CD58: variants seen among roughly 807,000 people sequenced by gnomAD.
CD58 encodes CD58 molecule, also known as lymphocyte function-associated antigen 3.
Under a neutral mutation model 27.6 loss-of-function variants are expected in CD58, and 14 were observed. That is an observed-to-expected ratio of 0.51 (90% CI 0.34 to 0.79). The LOEUF (loss-of-function observed/expected upper bound fraction) is 0.79, where lower values mean the gene tolerates loss of function less well. CD58 is among the 30% of genes least tolerant of loss of function. The pLI is 0.02. For missense variants in CD58, 268 were observed against 301.7 expected, an observed-to-expected ratio of 0.89 and a Z score of 0.83; for synonymous variants, 117 against 103.8, an observed-to-expected ratio of 1.13 and a Z score of -0.77.
chr1:116,518,456 G>T (rs937836159), intron 5 of CD58, among the ~76,000 whole-genome samples: 1 of 152,000 alleles, frequency 6.6e-6, no homozygotes, highest in Non-Finnish European at 1.5e-5. Flanking sequence ...AAACTCTGCG[G>T]TTCTCCCTAA....
rs1231510036 is a variant in CD58, at chr1:116,534,535, A to G, written c.628+1430T>C. Among the ~76,000 whole-genome samples, 2 of 152,116 alleles carry G rather than the reference A, an allele frequency of 1.3e-5. No individual in the cohort carries two copies. The highest frequency in any genetic ancestry group is 2.9e-5 in the Non-Finnish European group (2 of 67,994). On this transcript the variant is annotated intron_variant, in intron 3 of 5. Transcript: ENST00000369489. The surrounding 1 kb of genome is among the most constrained non-coding windows in gnomAD (Gnocchi z 5.3). Reference sequence around the variant, plus strand: ...TCCTCCGCTGGGCCGCCGGCGAGGAAGCCGCCCGCAGCGCAGAACAAAGCG... The same window carrying G: ...TCCTCCGCTGGGCCGCCGGCGAGGAGGCCGCCCGCAGCGCAGAACAAAGCG...
At chr1:116,567,777 C>A (rs1467340102) in intron 1 of CD58, among the ~76,000 whole-genome samples, 1 of 152,182 alleles carries the variant, frequency 6.6e-6, no homozygotes, top group East Asian at 1.9e-4. Context: ...TCATTTATTA[C>A]TTACAAAGGT....
rs1657708527 is a variant in CD58 at position 116,534,032 on chromosome 1, C to A, written c.628+1933G>T. The A allele has an allele frequency of 1.7e-6, 2 of 1,171,632 alleles. No individual in the cohort carries two copies. The highest frequency in any genetic ancestry group is 2.6e-6 in the Non-Finnish European group (2 of 782,138). The allele number at this position is 1,171,632 out of a possible 1,614,324, so 72.6% of individuals were successfully genotyped here. ...TCCGTGAGCTTTTCCGTCTTACTTGCATTTTTAGCAGCTTCCACGAAATCT... is the reference window on the plus strand; with the variant it reads ...TCCGTGAGCTTTTCCGTCTTACTTGAATTTTTAGCAGCTTCCACGAAATCT... On this transcript the variant is annotated intron_variant, in intron 3 of 5. Transcript: ENST00000369489. This position sits in a 1 kb window ranked among gnomAD's most constrained non-coding sequence, Gnocchi z 5.3.
At chr1:116,556,041 A>C (rs2101212704) in intron 1 of CD58, among the ~76,000 whole-genome samples, 1 of 152,274 alleles carries the variant, frequency 6.6e-6, no homozygotes, top group Non-Finnish European at 1.5e-5. Flanking sequence ...GGATCACTTG[A>C]GGTCAGGAGT....
chr1:116,533,706 T>C, intron 3 of CD58: 1 of 686,746 alleles, frequency 1.5e-6, no homozygotes, highest in Non-Finnish European at 2.7e-6. Context: ...TCTCCTCCTC[T>C]TCATTTTCAC....
rs3176850 is a variant in CD58 at position 116,570,649 on chromosome 1, A to T, written c.70+254T>A. Among the ~76,000 whole-genome samples the T allele has an allele frequency of 6.6e-6, 1 of 151,792 alleles. No individual in the cohort carries two copies. Among genetic ancestry groups the T allele is most frequent in the Non-Finnish European group, 1.5e-5 (1 of 67,902 alleles). The stretch of plus-strand genomic sequence containing the variant: ...CGGGGGGGCGCAGGCCCCGCAGGAG[A>T]GGCTAGCGGGCCGGAGCCCGTCCTT... On this transcript the variant is annotated intron_variant, in intron 1 of 5. Coordinates refer to ENST00000369489, the MANE Select transcript of CD58 (RefSeq NM_001779.3). This position sits in a 1 kb window ranked among gnomAD's most constrained non-coding sequence, Gnocchi z 6.4.
intron 5 of CD58, chr1:116,518,804 A>G (rs1420073787): frequency 2.9e-6 from 3 of 1,018,490 alleles, no homozygotes; most frequent in Non-Finnish European, 3.5e-6. Flanking sequence ...AGTGAACCCT[A>G]TCCCTGATCC....
rs575424580 is a variant in CD58, at chr1:116,558,230, T to G, written c.70+12673A>C. 2.0e-5 allele frequency among the ~76,000 whole-genome samples: 3 copies of G among 152,214 alleles called. No individual in the cohort carries two copies. The East Asian group carries it at 5.8e-4, about 29-fold the overall frequency. On this transcript the variant is annotated intron_variant, in intron 1 of 5. Coordinates refer to ENST00000369489, the MANE Select transcript of CD58 (RefSeq NM_001779.3). ...TACCTGAATATATGAATATTGGTAT[T>G]TCCCTCTGAATATAAGACATCATAA...
chr1:116,552,741 C>T lies in CD58; in HGVS notation c.71-8137G>A, dbSNP rs929029069. ...TAATCTGCCATCCACCACTGATGAACACTCCTTTTGTGGCTAGCTTTGTCT... is the reference window on the plus strand; with the variant it reads ...TAATCTGCCATCCACCACTGATGAATACTCCTTTTGTGGCTAGCTTTGTCT... On this transcript the variant is annotated intron_variant, in intron 1 of 5. Coordinates refer to ENST00000369489, the MANE Select transcript of CD58 (RefSeq NM_001779.3). This position sits in a 1 kb window ranked among gnomAD's most constrained non-coding sequence, Gnocchi z 4.5. Among the ~76,000 whole-genome samples the T allele has an allele frequency of 1.3e-5, 2 of 152,346 alleles. No homozygotes were observed. Among genetic ancestry groups the T allele is most frequent in the South Asian group, 2.1e-4 (1 of 4,834 alleles).
chr1:116,544,718 G>A, intron 1 of CD58, 114 bp from the exon 2 acceptor site: 1 of 688,790 alleles, frequency 1.5e-6, no homozygotes, highest in South Asian at 2.0e-5. Flanking sequence ...AATACAGGAA[G>A]TAAGAACATG....
rs1427382763 is a variant in CD58, at chr1:116,514,616, C to T, written c.*197G>A. The T allele has an allele frequency of 5.8e-6, 3 of 516,466 alleles. No individual in the cohort carries two copies. In the African/African-American group the frequency reaches 5.9e-5, roughly 10 times the overall value. 32.0% of individuals were successfully genotyped at this position (516,466 alleles called of 1,614,324 possible). A position where few individuals can be genotyped will look rare whatever the true frequency, so the allele number is the denominator to read the frequency against. On this transcript the variant is annotated 3_prime_UTR_variant, in exon 6 of 6. Transcript: ENST00000369489. ...AATTTACTGACAAAAAAAGCAAGCA[C>T]CTAGTCATATAATAAGTTGATGACA...
At position 116,571,014 on chromosome 1, in the gene CD58, C is replaced by G. The variant is rs1659129168; in HGVS notation, c.-42G>C. 6 of 1,507,404 alleles carry G rather than the reference C, an allele frequency of 4.0e-6. No homozygotes were observed. Among genetic ancestry groups the G allele is most frequent in the African/African-American group, 1.4e-5 (1 of 71,294 alleles). The allele number at this position is 1,507,404 out of a possible 1,614,324, so 93.4% of individuals were successfully genotyped here. A position where few individuals can be genotyped will look rare whatever the true frequency, so the allele number is the denominator to read the frequency against. On this transcript the variant is annotated 5_prime_UTR_variant, in exon 1 of 6. Transcript: ENST00000369489. ...CTCTGCGCGAGTGCCCAGCCACAAG[C>G]AGCCCTAAGTTCAAGCACCGCCTAC...
chr1:116,544,870 A>G (rs1443882380), intron 1 of CD58, among the ~76,000 whole-genome samples: 1 of 152,214 alleles, frequency 6.6e-6, no homozygotes, highest in Non-Finnish European at 1.5e-5. Context: ...CAGGCCCTCC[A>G]GGAGCCTCAC....
In CD58 at chr1:116,570,631, G is replaced by T. The variant is rs1003962144; in HGVS notation, c.70+272C>A. Among the ~76,000 whole-genome samples the T allele has an allele frequency of 2.0e-5, 3 of 152,068 alleles. No homozygotes were observed. Among genetic ancestry groups the T allele is most frequent in the Non-Finnish European group, 4.4e-5 (3 of 67,990 alleles). ...AGCTCGGGAGGGGGCCGGCGGGGGG[G>T]CGCAGGCCCCGCAGGAGAGGCTAGC... On this transcript the variant is annotated intron_variant, in intron 1 of 5. Coordinates refer to ENST00000369489, the MANE Select transcript of CD58 (RefSeq NM_001779.3). The surrounding 1 kb of genome is among the most constrained non-coding windows in gnomAD (Gnocchi z 6.4).
At chr1:116,533,547 A>C (rs1657688070) in intron 3 of CD58, 1 of 722,794 alleles carries the variant, frequency 1.4e-6, no homozygotes, top group Middle Eastern at 2.7e-4. Flanking sequence ...AGATTGGTTC[A>C]TCATATTCCT....
In CD58 at chr1:116,533,446, A is replaced by T; in HGVS notation, c.628+2519T>A. On this transcript the variant is annotated intron_variant, in intron 3 of 5. Transcript: ENST00000369489. ...TTTGTCAGGACTGAGTTGGCAAAGC[A>T]GTCATTGGGTTGAAAGTGGAACTCT... is the stretch of plus-strand genomic sequence containing the variant. The T allele has an allele frequency of 8.0e-6, 6 of 754,332 alleles. 1 individual carries two copies. The South Asian group carries it at 8.1e-5, about 10-fold the overall frequency. The allele number at this position is 754,332 out of a possible 1,614,324, so 46.7% of individuals were successfully genotyped here. A position where few individuals can be genotyped will look rare whatever the true frequency, so the allele number is the denominator to read the frequency against.
rs189489709 is a variant in CD58, at chr1:116,559,564, G to A, written c.70+11339C>T. Among the ~76,000 whole-genome samples the A allele has an allele frequency of 3.1e-4, 47 of 152,166 alleles. No individual in the cohort carries two copies. Among genetic ancestry groups the A allele is most frequent in the Admixed American group, 2.2e-3 (34 of 15,278 alleles). On this transcript the variant is annotated intron_variant, in intron 1 of 5. Coordinates refer to ENST00000369489, the MANE Select transcript of CD58 (RefSeq NM_001779.3). This position sits in a 1 kb window ranked among gnomAD's most constrained non-coding sequence, Gnocchi z 4.4. ...TTAAGACAGAGATTTACTGATTTCA[G>A]CCACACCACCACCAGTTTCCCTGCC...
At chr1:116,561,845 A>G (rs1254600048) in intron 1 of CD58, among the ~76,000 whole-genome samples, 1 of 152,228 alleles carries the variant, frequency 6.6e-6, no homozygotes, top group Admixed American at 6.5e-5. Flanking sequence ...TTCCCTATGT[A>G]ATAAAATCAG....
intron 1 of CD58, among the ~76,000 whole-genome samples, chr1:116,548,977 T>C (rs1658290028): frequency 6.6e-6 from 1 of 152,208 alleles, no homozygotes; most frequent in South Asian, 2.1e-4. Flanking sequence ...CCTTGCTCCA[T>C]GTCTCTCAGC....
Sources: allele counts gnomAD v4.1 joint callset (sites outside exome capture counted in the v4.1 genomes callset), GRCh38; gene constraint gnomAD v4.1.1; non-coding constraint Gnocchi (gnomAD v3.1); transcripts MANE v1.5; gene names NCBI Gene and HGNC (gene_info 2026-07-23, HGNC 2026-07-21).